CD6: variants seen among roughly 807,000 people sequenced by gnomAD.
The protein encoded by CD6 is CD6 molecule.
A neutral mutation model predicts 75.3 loss-of-function variants in CD6; 53 were observed. That is an observed-to-expected ratio of 0.70 (90% CI 0.56 to 0.88). The LOEUF (loss-of-function observed/expected upper bound fraction) is 0.88, where lower values mean the gene tolerates loss of function less well. Ranked by LOEUF, CD6 falls within the 40% of genes least tolerant of loss-of-function variation. The probability of loss-of-function intolerance (pLI) is 0.00; values close to 1 mark genes in which losing one functional copy is unlikely to be tolerated. For synonymous variants in CD6, 359 were observed against 381.5 expected, an observed-to-expected ratio of 0.94 and a Z score of 0.69; for missense variants, 770 against 897.1, an observed-to-expected ratio of 0.86 and a Z score of 1.81.
intron 6 of CD6, among the ~76,000 whole-genome samples, chr11:61,013,126 A>T (rs1340877937): frequency 2.0e-5 from 3 of 152,232 alleles, no homozygotes; most frequent in Non-Finnish European, 4.4e-5. Flanking sequence ...ATAGTTGTCT[A>T]TTGAACAAAG....
At chr11:61,005,245 A>C (rs1858792167) in intron 1 of CD6, among the ~76,000 whole-genome samples, 1 of 152,234 alleles carries the variant, frequency 6.6e-6, no homozygotes, top group Admixed American at 6.5e-5. Context: ...CTTCTGGCCA[A>C]AGGAGACACA....
At chr11:60,982,519 G>A (rs116861684) in intron 1 of CD6, 11,219 of 451,264 alleles carry the variant, frequency 0.025, 194 homozygotes, top group Non-Finnish European at 0.035. Context: ...AGGCGGGCGC[G>A]GGGAGACAGA....
chr11:60,981,709 G>A (rs79805951), intron 1 of CD6, among the ~76,000 whole-genome samples: 1 of 152,302 alleles, frequency 6.6e-6, no homozygotes, highest in African/African-American at 2.4e-5. Context: ...ACAGACGGAG[G>A]CAGAGGGAAG....
At chr11:60,982,919 C>T (rs1170412856) in intron 1 of CD6, 1 of 369,536 alleles carries the variant, frequency 2.7e-6, no homozygotes, top group Non-Finnish European at 5.3e-6. Flanking sequence ...ACTAACTCCC[C>T]ACCCCCACCC....
chr11:60,997,656 A>T (rs2135108410), intron 1 of CD6, among the ~76,000 whole-genome samples: 1 of 152,322 alleles, frequency 6.6e-6, no homozygotes, highest in East Asian at 1.9e-4. Flanking sequence ...CACCAGAAAC[A>T]TTCAATCTGT....
At chr11:61,008,907 G>C (rs1392958609) in intron 4 of CD6, 62 bp downstream of exon 4, 1 of 1,387,068 alleles carries the variant, frequency 7.2e-7, no homozygotes, top group Non-Finnish European at 9.5e-7. Context: ...CCTACTGGGC[G>C]CCAAGCCTGG....
At chr11:60,988,762 G>A (rs943990392) in intron 1 of CD6, among the ~76,000 whole-genome samples, 2 of 152,138 alleles carry the variant, frequency 1.3e-5, no homozygotes, top group African/African-American at 4.8e-5. Flanking sequence ...CCCTTGGAGC[G>A]GGGAGGATTT....
In CD6 at chr11:61,017,510, G is replaced by A. The variant is rs757796336; in HGVS notation, c.1542G>A (p.Glu514=). Residue 514 remains glutamate (E), a synonymous_variant, in exon 10 of 13, where the codon GAG becomes GAA. Transcript: ENST00000313421. The part of the protein sequence containing the change: ...NSQRHRVTDE[E]VQQSRFQMPP... ...AGCGGCATCGGGTCACAGATGAGGA[G>A]GTCCAGCAAAGCAGGTTCCAGATGC... is the stretch of plus-strand genomic sequence containing the variant. 2.7e-5 allele frequency: 42 copies of A among 1,550,564 alleles called. No individual in the cohort carries two copies. The highest frequency in any genetic ancestry group is 3.3e-5 in the Non-Finnish European group (38 of 1,147,290).
At chr11:60,991,438 C>T (rs970400018) in intron 1 of CD6, among the ~76,000 whole-genome samples, 7 of 152,014 alleles carry the variant, frequency 4.6e-5, no homozygotes, top group Admixed American at 3.9e-4. Flanking sequence ...CAGGCGTGAG[C>T]CCCGCGTTTG....
intron 1 of CD6, among the ~76,000 whole-genome samples, chr11:60,986,981 A>G (rs1351686088): frequency 1.3e-5 from 2 of 152,094 alleles, no homozygotes; most frequent in African/African-American, 4.8e-5. Flanking sequence ...TACAAAAACT[A>G]GTTGGGTGAG....
chr11:60,996,386 G>GA (rs1458516978), intron 1 of CD6, among the ~76,000 whole-genome samples: 2 of 152,144 alleles, frequency 1.3e-5, no homozygotes, highest in African/African-American at 4.8e-5. Flanking sequence ...GTTGGGAGTA[G>GA]AAAACTAGGA....
intron 6 of CD6, among the ~76,000 whole-genome samples, chr11:61,013,150 G>A (rs1859227923): frequency 6.6e-6 from 1 of 152,212 alleles, no homozygotes; most frequent in Non-Finnish European, 1.5e-5. Context: ...ACATACTGAA[G>A]AGCTAGCAGA....
intron 8 of CD6, 81 bp from the exon 9 acceptor site, chr11:61,015,632 C>T (rs184980735): frequency 1.1e-5 from 17 of 1,542,348 alleles, no homozygotes; most frequent in African/African-American, 2.7e-5. Flanking sequence ...CCTCTCACCT[C>T]TGCCGTTCAT....
intron 1 of CD6, among the ~76,000 whole-genome samples, chr11:61,001,457 T>C (rs1407533122): frequency 3.3e-5 from 5 of 152,174 alleles, no homozygotes; most frequent in Non-Finnish European, 2.9e-5. Context: ...CACCTTGGCC[T>C]CCCAAAGTGC....
chr11:60,992,835 A>T (rs1281702493), intron 1 of CD6, among the ~76,000 whole-genome samples: 1 of 151,326 alleles, frequency 6.6e-6, no homozygotes, highest in Non-Finnish European at 1.5e-5. Flanking sequence ...CTCCAAAAAT[A>T]AAAAAAAATA....
chr11:61,019,442 G>T lies in CD6; in HGVS notation c.*124G>T, dbSNP rs1405183281. 2 of 686,032 alleles carry T rather than the reference G, an allele frequency of 2.9e-6. No homozygotes were observed. 42.5% of individuals were successfully genotyped at this position (686,032 alleles called of 1,614,324 possible). A position where few individuals can be genotyped will look rare whatever the true frequency, so the allele number is the denominator to read the frequency against. On this transcript the variant is annotated 3_prime_UTR_variant, in exon 13 of 13. Coordinates refer to ENST00000313421, the MANE Select transcript of CD6 (RefSeq NM_006725.5). ...ATGGAGCTGAGAGGCCTCCCTTGGA[G>T]AGATGGAAGGAAACGTTATACCTTG... is the stretch of plus-strand genomic sequence containing the variant.
intron 4 of CD6, 51 bp downstream of exon 4, chr11:61,008,896 G>T (rs775197768): frequency 1.5e-5 from 21 of 1,430,910 alleles, no homozygotes; most frequent in South Asian, 9.1e-5. Context: ...CTCACCATAG[G>T]CCTACTGGGC....
At position 61,007,873 on chromosome 11, in the gene CD6, C is replaced by T. The variant is rs761496891; in HGVS notation, c.432C>T (p.Cys144=). The part of the protein sequence containing the change: ...WRLCEVVEHA[C]RSDGRRARVT... Reference sequence around the variant, plus strand: ...TCTGCGAGGTGGTGGAGCACGCGTGCCGCAGCGACGGGAGGCGGGCCCGTG... The same window carrying T: ...TCTGCGAGGTGGTGGAGCACGCGTGTCGCAGCGACGGGAGGCGGGCCCGTG... The change falls in exon 3 of 13, where the codon TGC becomes TGT. Residue 144 remains cysteine (C), a synonymous_variant. Coordinates refer to ENST00000313421, the MANE Select transcript of CD6 (RefSeq NM_006725.5). The surrounding 1 kb of genome is among the most constrained non-coding windows in gnomAD (Gnocchi z 4.2). 4 of 1,384,220 alleles carry T rather than the reference C, an allele frequency of 2.9e-6. No homozygotes were observed. Among genetic ancestry groups the T allele is most frequent in the South Asian group, 3.3e-5 (2 of 61,206 alleles). The allele number at this position is 1,384,220 out of a possible 1,614,324, so 85.7% of individuals were successfully genotyped here.
At chr11:61,018,597 T>G in intron 12 of CD6, 1 of 545,296 alleles carries the variant, frequency 1.8e-6, no homozygotes, top group Middle Eastern at 4.8e-4. Flanking sequence ...GCAGGAGGAT[T>G]GCTTGAGGCC....
Sources: gnomAD v4.1 joint callset for allele counts (sites outside exome capture counted in the v4.1 genomes callset) on GRCh38, gnomAD v4.1.1 for gene constraint, Gnocchi (gnomAD v3.1) non-coding constraint, MANE v1.5 for transcripts, NCBI Gene and HGNC (gene_info 2026-07-23, HGNC 2026-07-21) for gene names.